The following APBB1IP variants were observed in gnomAD, a reference collection of about 807,000 sequenced individuals.
The protein encoded by APBB1IP is amyloid beta precursor protein binding family B member 1 interacting protein.
A neutral mutation model predicts 64.9 loss-of-function variants in APBB1IP; 27 were observed. The observed-to-expected ratio is 0.42, with a 90% confidence interval of 0.31 to 0.57. The LOEUF (loss-of-function observed/expected upper bound fraction) is 0.57, where lower values mean the gene tolerates loss of function less well. Among genes scored for constraint, APBB1IP ranks in the 20% least tolerant of loss-of-function variants. The pLI, the probability that APBB1IP is intolerant of heterozygous loss-of-function variation, is 0.20. For missense variants in APBB1IP, 812 were observed against 845.5 expected (o/e 0.96, Z 0.49); for synonymous variants, 392 against 331.0 (o/e 1.18, Z -2.00).
rs922618799 is a variant in APBB1IP at position 26,494,193 on chromosome 10, T to C, written c.72+1795T>C. Among the ~76,000 whole-genome samples the C allele has an allele frequency of 2.6e-5, 4 of 152,086 alleles. No homozygotes were observed. The East Asian group carries it at 5.8e-4, about 22-fold the overall frequency. On this transcript the variant is annotated intron_variant, in intron 3 of 14. Transcript: ENST00000376236. The stretch of plus-strand genomic sequence containing the variant: ...AAGGAATGTGAAAACCACTCAACCA[T>C]AGACTGAGAAAAAAGCCCCTGGCAT...
chr10:26,525,494 C>G (rs1836462442), intron 8 of APBB1IP, among the ~76,000 whole-genome samples: 1 of 152,034 alleles, frequency 6.6e-6, no homozygotes, highest in African/African-American at 2.4e-5. Context: ...GACTTTTTCT[C>G]CCCTACAGAG....
At chr10:26,478,865 C>A (rs780639872) in intron 2 of APBB1IP, among the ~76,000 whole-genome samples, 61 of 151,644 alleles carry the variant, frequency 4.0e-4, no homozygotes, top group Non-Finnish European at 7.4e-4. Context: ...TGGGAGGCTC[C>A]CTTTTAAAAA....
At chr10:26,453,235 T>C (rs1261594344) in intron 2 of APBB1IP, among the ~76,000 whole-genome samples, 3 of 152,180 alleles carry the variant, frequency 2.0e-5, no homozygotes, top group East Asian at 1.9e-4. Context: ...GTAGGACTTA[T>C]CTGAGTGGAG....
chr10:26,522,312 T>C (rs1836412829), intron 8 of APBB1IP, among the ~76,000 whole-genome samples: 1 of 152,072 alleles, frequency 6.6e-6, no homozygotes, highest in Non-Finnish European at 1.5e-5. Flanking sequence ...CTTCCCCCAC[T>C]ATCAACACCC....
intron 2 of APBB1IP, among the ~76,000 whole-genome samples, chr10:26,484,603 C>A (rs541154707): frequency 6.6e-6 from 1 of 151,994 alleles, no homozygotes; most frequent in Non-Finnish European, 1.5e-5. Context: ...CTGCACCAGG[C>A]CTTTTTTGAA....
intron 6 of APBB1IP, chr10:26,509,724 G>A (rs1836228674): frequency 6.6e-6 from 1 of 152,182 alleles, no homozygotes; most frequent in South Asian, 2.1e-4. Flanking sequence ...ATCCAAACTT[G>A]TGGAGAGAAA....
At chr10:26,548,062 A>G (rs1424365938) in intron 11 of APBB1IP, among the ~76,000 whole-genome samples, 1 of 152,144 alleles carries the variant, frequency 6.6e-6, no homozygotes, top group Non-Finnish European at 1.5e-5. Context: ...ATATTTTGAA[A>G]TCAGTTTGTG....
intron 2 of APBB1IP, among the ~76,000 whole-genome samples, chr10:26,472,135 C>G (rs981728416): frequency 6.6e-6 from 1 of 152,156 alleles, no homozygotes; most frequent in South Asian, 2.1e-4. Flanking sequence ...CCTCACCCCA[C>G]AGAAAAGCAA....
chr10:26,454,471 G>A (rs1226614912), intron 2 of APBB1IP, among the ~76,000 whole-genome samples: 1 of 151,952 alleles, frequency 6.6e-6, no homozygotes, highest in African/African-American at 2.4e-5. Flanking sequence ...GGACGACAGA[G>A]TGAGACTCTG....
chr10:26,457,242 C>T (rs1175807437), intron 2 of APBB1IP, among the ~76,000 whole-genome samples: 2 of 152,176 alleles, frequency 1.3e-5, no homozygotes, highest in Admixed American at 6.5e-5. Context: ...TTTCTCTGGT[C>T]TGCTTTTTCA....
intron 2 of APBB1IP, among the ~76,000 whole-genome samples, chr10:26,486,202 G>A (rs1835889271): frequency 1.3e-5 from 2 of 152,172 alleles, no homozygotes; most frequent in South Asian, 2.1e-4. Context: ...AAGCAGCCAG[G>A]GAAGATTTTT....
At chr10:26,539,138 C>T (rs1481595621) in intron 10 of APBB1IP, among the ~76,000 whole-genome samples, 2 of 152,104 alleles carry the variant, frequency 1.3e-5, no homozygotes, top group African/African-American at 2.4e-5. Flanking sequence ...TGGCTGGGTG[C>T]GGTGGCTCAT....
chr10:26,460,004 T>C (rs1835571280), intron 2 of APBB1IP, among the ~76,000 whole-genome samples: 1 of 152,168 alleles, frequency 6.6e-6, no homozygotes, highest in African/African-American at 2.4e-5. Context: ...TAAAAATAAT[T>C]TGTATAAACA....
intron 2 of APBB1IP, among the ~76,000 whole-genome samples, chr10:26,447,134 GA>G (rs1835408389): frequency 6.6e-6 from 1 of 152,098 alleles, no homozygotes; most frequent in East Asian, 1.9e-4. Context: ...AGCACTTTGG[GA>G]GGCTGAGGAG....
chr10:26,567,594 T>G lies in APBB1IP; in HGVS notation c.*106T>G, dbSNP rs1285770889. ...CTTGTTCATTTCAGATAAAATGTGA[T>G]GGGAAACTTCTCACTGATGTGCTCA... is the stretch of plus-strand genomic sequence containing the variant. On this transcript the variant is annotated 3_prime_UTR_variant, in exon 15 of 15. Transcript: ENST00000376236. 2.1e-6 allele frequency: 3 copies of G among 1,455,268 alleles called. No individual in the cohort carries two copies. The African/African-American group carries it at 4.3e-5, about 21-fold the overall frequency. 90.1% of individuals were successfully genotyped at this position (1,455,268 alleles called of 1,614,324 possible). A position where few individuals can be genotyped will look rare whatever the true frequency, so the allele number is the denominator to read the frequency against.
intron 11 of APBB1IP, among the ~76,000 whole-genome samples, chr10:26,553,576 T>A (rs567244617): frequency 3.9e-5 from 6 of 152,254 alleles, no homozygotes; most frequent in African/African-American, 1.4e-4. Context: ...GAGAATCACT[T>A]GAGCCCAGGC....
rs200675972 is a variant in APBB1IP at position 26,462,167 on chromosome 10, AG to A, written c.-1+23315del. Among the ~76,000 whole-genome samples, 1,424 of 152,296 alleles carry A rather than the reference AG, an allele frequency of 9.4e-3. 11 individuals carry two copies. Among genetic ancestry groups the A allele is most frequent in the Middle Eastern group, 0.037 (11 of 294 alleles). ...AGACCATCTGACTTGCAAAACCTGA[AG>A]TATTTGCTGTCTTGTCCCTTATAAA... On this transcript the variant is annotated intron_variant, in intron 2 of 14. Coordinates refer to ENST00000376236, the MANE Select transcript of APBB1IP (RefSeq NM_019043.4).
chr10:26,512,035 GC>G (rs753871219), intron 7 of APBB1IP, 129 bp downstream of exon 7: 2 of 1,106,652 alleles, frequency 1.8e-6, no homozygotes, highest in East Asian at 2.6e-5. Context: ...TCACTATGCT[GC>G]CCAGGCTGAT....
chr10:26,566,514 A>G (rs1488638686), intron 14 of APBB1IP, among the ~76,000 whole-genome samples: 1 of 152,206 alleles, frequency 6.6e-6, no homozygotes, highest in Non-Finnish European at 1.5e-5. Context: ...CTGGGCTCCC[A>G]AAGTGCTGAG....
Sources: allele counts gnomAD v4.1 joint callset (sites outside exome capture counted in the v4.1 genomes callset), GRCh38; gene constraint gnomAD v4.1.1; transcripts MANE v1.5; gene names NCBI Gene and HGNC (gene_info 2026-07-23, HGNC 2026-07-21).